The following USP53 variants were observed in gnomAD, a reference collection of about 807,000 sequenced individuals.
USP53 encodes the protein ubiquitin specific peptidase 53.
USP53 carries 71 observed loss-of-function variants against 94.9 expected under a neutral mutation model. That is an observed-to-expected ratio of 0.75 (90% CI 0.62 to 0.91). The LOEUF (loss-of-function observed/expected upper bound fraction) is 0.91. Ranked by LOEUF, USP53 falls within the 40% of genes least tolerant of loss-of-function variation. USP53 has a pLI of 0.00. For missense variants in USP53, 1,173 were observed against 1,281.0 expected, an observed-to-expected ratio of 0.92 and a Z score of 1.29; for synonymous variants, 375 against 422.7, an observed-to-expected ratio of 0.89 and a Z score of 1.39.
intron 17 of USP53, among the ~76,000 whole-genome samples, chr4:119,286,945 C>T (rs372374356): frequency 6.6e-6 from 1 of 152,020 alleles, no homozygotes; most frequent in African/African-American, 2.4e-5. Context: ...TATATTCCTT[C>T]TAGAGAGACT....
intron 9 of USP53, among the ~76,000 whole-genome samples, chr4:119,257,341 T>C (rs769426550): frequency 2.0e-5 from 3 of 152,126 alleles, no homozygotes; most frequent in Non-Finnish European, 4.4e-5. Flanking sequence ...TTCCGGAGGC[T>C]GAGGCAGAGA....
At chr4:119,268,098 C>T (rs1751385719) in intron 13 of USP53, among the ~76,000 whole-genome samples, 170 bp from the exon 14 acceptor site, 1 of 143,582 alleles carries the variant, frequency 7.0e-6, no homozygotes, top group African/African-American at 2.6e-5. Flanking sequence ...ACCCGGGAGG[C>T]GGAGCTTGCA....
intron 3 of USP53, among the ~76,000 whole-genome samples, chr4:119,232,109 T>G (rs1018750484): frequency 2.0e-5 from 3 of 152,224 alleles, no homozygotes; most frequent in Non-Finnish European, 4.4e-5. Flanking sequence ...CTTTTGCTCT[T>G]TTTAAAAAAC....
Position 119,235,321 on chromosome 4 carries a change from T to G in USP53, c.-633T>G, listed in dbSNP as rs1746586419. The G allele has an allele frequency of 6.6e-6, 1 of 152,278 alleles. No homozygotes were observed. Among genetic ancestry groups the G allele is most frequent in the Non-Finnish European group, 1.5e-5 (1 of 68,116 alleles). The allele number at this position is 152,278 out of a possible 1,614,324, so 9.4% of individuals were successfully genotyped here. A position where few individuals can be genotyped will look rare whatever the true frequency, so the allele number is the denominator to read the frequency against. The stretch of plus-strand genomic sequence containing the variant: ...CATCTTGCTGCCACCCAGGCTGGAG[T>G]GCAGTGGTGCAGTCTTAGCTTACTG... On this transcript the variant is annotated 5_prime_UTR_variant, in exon 4 of 19. Transcript: ENST00000692078.
chr4:119,257,767 A>G (rs1561271753), intron 9 of USP53, among the ~76,000 whole-genome samples: 1 of 152,242 alleles, frequency 6.6e-6, no homozygotes, highest in African/African-American at 2.4e-5. Flanking sequence ...ACTGATTTAG[A>G]GAAACATTCC....
Position 119,294,393 on chromosome 4 carries a change from A to C in USP53, c.*1182A>C, listed in dbSNP as rs1215736492. The C allele has an allele frequency of 2.0e-5, 3 of 152,052 alleles. No homozygotes were observed. Among genetic ancestry groups the C allele is most frequent in the African/African-American group, 7.2e-5 (3 of 41,438 alleles). The allele number at this position is 152,052 out of a possible 1,614,324, so 9.4% of individuals were successfully genotyped here. A position where few individuals can be genotyped will look rare whatever the true frequency, so the allele number is the denominator to read the frequency against. Reference sequence around the variant, plus strand: ...AGTAATTTTACCCCAACTACTTTTCATGAAGAGTGCTTTGAAAATTAAAGG... The same window carrying C: ...AGTAATTTTACCCCAACTACTTTTCCTGAAGAGTGCTTTGAAAATTAAAGG... On this transcript the variant is annotated 3_prime_UTR_variant, in exon 19 of 19. Coordinates refer to ENST00000692078, the MANE Select transcript of USP53 (RefSeq NM_001371395.1).
At chr4:119,244,174 T>A (rs546227089) in intron 5 of USP53, among the ~76,000 whole-genome samples, 6 of 152,308 alleles carry the variant, frequency 3.9e-5, no homozygotes, top group South Asian at 2.1e-4. Context: ...GTGTATTTTT[T>A]AAAATATGCT....
intron 4 of USP53, among the ~76,000 whole-genome samples, 176 bp from the exon 5 acceptor site, chr4:119,239,042 A>G (rs1747175999): frequency 6.6e-6 from 1 of 152,158 alleles, no homozygotes; most frequent in African/African-American, 2.4e-5. Context: ...TGTCACATTG[A>G]TATTTTAAAA....
chr4:119,289,858 T>C (rs1448482327), intron 17 of USP53, among the ~76,000 whole-genome samples: 1 of 152,206 alleles, frequency 6.6e-6, no homozygotes, highest in Non-Finnish European at 1.5e-5. Context: ...AATCCAAATG[T>C]CTTAGTTCCC....
At chr4:119,224,856 T>C (rs1426297728) in intron 3 of USP53, among the ~76,000 whole-genome samples, 4 of 152,106 alleles carry the variant, frequency 2.6e-5, no homozygotes, top group African/African-American at 4.8e-5. Context: ...AAAATGCTTA[T>C]ATTAGAAAAG....
chr4:119,262,278 G>A (rs993983579), intron 12 of USP53, among the ~76,000 whole-genome samples: 2 of 151,862 alleles, frequency 1.3e-5, no homozygotes, highest in Non-Finnish European at 2.9e-5. Flanking sequence ...TTCAAATTTT[G>A]TGTGTAGAAT....
intron 17 of USP53, 147 bp downstream of exon 17, chr4:119,273,855 TAA>T: frequency 1.6e-6 from 1 of 616,460 alleles, no homozygotes; most frequent in Non-Finnish European, 2.8e-6. Context: ...CAAGTTTTAT[TAA>T]GTTAATATAT....
chr4:119,289,763 A>AC (rs1167522499), intron 17 of USP53, among the ~76,000 whole-genome samples: 4 of 152,166 alleles, frequency 2.6e-5, no homozygotes, highest in Non-Finnish European at 5.9e-5. Flanking sequence ...CTCCCTGTAG[A>AC]CCTTCAGGTT....
At position 119,271,752 on chromosome 4, in the gene USP53, A is replaced by C; in HGVS notation, c.1892A>C (p.Glu631Ala). 1 of 1,614,032 alleles carries C rather than the reference A, an allele frequency of 6.2e-7. No homozygotes were observed. Among genetic ancestry groups the C allele is most frequent in the Non-Finnish European group, 8.5e-7 (1 of 1,180,018 alleles). The change falls in exon 16 of 19, where the codon GAG becomes GCG. Residue 631 changes from glutamate to alanine, a missense_variant. Transcript: ENST00000692078. ...KDPSFSNWPK[E>A]NPKQKGLMTI... ...CCGAGTTTTAGTAATTGGCCAAAAG[A>C]GAATCCAAAGCAAAAAGGTTTAATG...
Position 119,245,356 on chromosome 4 carries a change from T to C in USP53, c.164T>C (p.Ile55Thr), listed in dbSNP as rs1187558999. 6.2e-7 allele frequency: 1 copy of C among 1,613,940 alleles called. No individual in the cohort carries two copies. Among genetic ancestry groups the C allele is most frequent in the Admixed American group, 1.7e-5 (1 of 60,018 alleles). ...TTTTAGGTTTTATGGCAATTGGATA[T>C]ATTCCGACGAAGCTTGCGGGTTTTG... ...SAVQVLWQLDIFRRSLRVLTG... is the reference protein window; with the variant it reads ...SAVQVLWQLDTFRRSLRVLTG... The change falls in exon 6 of 19, where the codon ATA becomes ACA. Residue 55 changes from isoleucine (I) to threonine (T), a missense_variant. By Grantham distance (89) the Ile-to-Thr change is moderately conservative (BLOSUM62 -1). Coordinates refer to ENST00000692078, the MANE Select transcript of USP53 (RefSeq NM_001371395.1).
intron 17 of USP53, among the ~76,000 whole-genome samples, chr4:119,276,031 A>C (rs1417763729): frequency 5.0e-5 from 7 of 139,278 alleles, no homozygotes; most frequent in African/African-American, 1.8e-4. Flanking sequence ...ATATACAATC[A>C]TGTCGTCTGC....
intron 17 of USP53, among the ~76,000 whole-genome samples, chr4:119,281,951 T>C (rs1753557152): frequency 6.6e-6 from 1 of 152,120 alleles, no homozygotes; most frequent in African/African-American, 2.4e-5. Flanking sequence ...TGAAGTTCTC[T>C]ACCCATTAAA....
Position 119,239,570 on chromosome 4 carries a change from C to T in USP53, c.-190C>T. ...AGTGCTTAGAACTTCAATGTTTATG[C>T]ACCCTATTGTTACTTGTCAGAGTCT... On this transcript the variant is annotated 5_prime_UTR_variant, in exon 5 of 19. Coordinates refer to ENST00000692078, the MANE Select transcript of USP53 (RefSeq NM_001371395.1). 1 of 564,546 alleles carries T rather than the reference C, an allele frequency of 1.8e-6. No individual in the cohort carries two copies. The highest frequency in any genetic ancestry group is 2.9e-6 in the Non-Finnish European group (1 of 350,376). The allele number at this position is 564,546 out of a possible 1,614,324, so 35.0% of individuals were successfully genotyped here.
At chr4:119,252,414 T>A (rs62328377) in intron 7 of USP53, among the ~76,000 whole-genome samples, 32,998 of 152,118 alleles carry the variant, frequency 0.22, 4,108 homozygotes, top group South Asian at 0.32. Flanking sequence ...TTTCAGAACC[T>A]GTTATTGGTC....
Sources: allele counts gnomAD v4.1 joint callset (sites outside exome capture counted in the v4.1 genomes callset), GRCh38; gene constraint gnomAD v4.1.1; transcripts MANE v1.5; gene names NCBI Gene and HGNC (gene_info 2026-07-23, HGNC 2026-07-21).